Variants in CCBE1 observed in about 807,000 individuals in gnomAD.
CCBE1 encodes collagen and calcium binding EGF domains 1, also known as collagen and calcium-binding EGF domain-containing protein 1.
Under a neutral mutation model 50.0 loss-of-function variants are expected in CCBE1, and 37 were observed. That is an observed-to-expected ratio of 0.74 (90% CI 0.57 to 0.97). CCBE1 has a LOEUF of 0.97. Among genes scored for constraint, CCBE1 ranks in the 50% least tolerant of loss-of-function variants. CCBE1 has a pLI of 0.00. For synonymous variants in CCBE1, 234 were observed against 203.7 expected (o/e 1.15, Z -1.27); for missense variants, 538 against 523.8 (o/e 1.03, Z -0.26).
chr18:59,460,936 AAAAT>A (rs59182848), intron 5 of CCBE1, among the ~76,000 whole-genome samples: 26,209 of 141,064 alleles, frequency 0.19, 2,505 homozygotes, highest in Admixed American at 0.21. Flanking sequence ...CTCTGTCTCA[AAAAT>A]AAATAAATAA....
chr18:59,691,619 T>TG, intron 2 of CCBE1, among the ~76,000 whole-genome samples: 1 of 152,332 alleles, frequency 6.6e-6, no homozygotes, highest in Admixed American at 6.5e-5. Flanking sequence ...TTGGCCAGGC[T>TG]GGTCTCAAAC....
chr18:59,683,466 C>G (rs1046643007), intron 2 of CCBE1, among the ~76,000 whole-genome samples: 4 of 152,168 alleles, frequency 2.6e-5, no homozygotes, highest in African/African-American at 9.7e-5. Context: ...GAGGCTGAGG[C>G]AGGCGGATCA....
intron 2 of CCBE1, among the ~76,000 whole-genome samples, chr18:59,603,183 G>A (rs2053454729): frequency 6.6e-6 from 1 of 152,156 alleles, no homozygotes; most frequent in African/African-American, 2.4e-5. Context: ...AGAAGATTCT[G>A]GAATGACCAT....
At chr18:59,466,245 A>T (rs1163513520) in intron 5 of CCBE1, among the ~76,000 whole-genome samples, 2 of 152,098 alleles carry the variant, frequency 1.3e-5, no homozygotes, top group Non-Finnish European at 2.9e-5. Context: ...TGGGTAATTG[A>T]ATCATGGGGG....
At chr18:59,517,076 A>T (rs970629761) in intron 2 of CCBE1, among the ~76,000 whole-genome samples, 1 of 152,230 alleles carries the variant, frequency 6.6e-6, no homozygotes, top group Admixed American at 6.5e-5. Context: ...CTAAGAGTGC[A>T]CACTTCTTAG....
At chr18:59,468,977 T>C (rs999866717) in intron 4 of CCBE1, among the ~76,000 whole-genome samples, 3 of 152,128 alleles carry the variant, frequency 2.0e-5, no homozygotes, top group Middle Eastern at 3.2e-3. Context: ...ACGGCTGGGA[T>C]AGCCAGTTCA....
chr18:59,527,370 A>G (rs1914868731), intron 2 of CCBE1, among the ~76,000 whole-genome samples: 1 of 151,912 alleles, frequency 6.6e-6, no homozygotes. Flanking sequence ...TTTCTCCATT[A>G]TTTTGAGCCT....
At chr18:59,610,933 A>T (rs2053560873) in intron 2 of CCBE1, among the ~76,000 whole-genome samples, 1 of 152,214 alleles carries the variant, frequency 6.6e-6, no homozygotes, top group Non-Finnish European at 1.5e-5. Flanking sequence ...CACCTCTATT[A>T]TGCATAACAG....
At chr18:59,522,287 G>A (rs1914633999) in intron 2 of CCBE1, among the ~76,000 whole-genome samples, 1 of 152,030 alleles carries the variant, frequency 6.6e-6, no homozygotes, top group South Asian at 2.1e-4. Flanking sequence ...AACATTAAGT[G>A]AAACAACGTA....
chr18:59,681,049 G>GA (rs34876275), intron 2 of CCBE1, among the ~76,000 whole-genome samples: 1,444 of 85,354 alleles, frequency 0.017, 9 homozygotes, highest in Middle Eastern at 0.041. Context: ...ATTTGGCTGA[G>GA]AAAAAAAAAA....
chr18:59,547,633 C>A (rs1012123302), intron 2 of CCBE1, among the ~76,000 whole-genome samples: 6 of 152,298 alleles, frequency 3.9e-5, no homozygotes, highest in African/African-American at 1.4e-4. Flanking sequence ...ATAAAGATTT[C>A]AACACACAAA....
chr18:59,658,229 C>T (rs562551415), intron 2 of CCBE1, among the ~76,000 whole-genome samples: 26 of 141,670 alleles, frequency 1.8e-4, no homozygotes, highest in African/African-American at 6.6e-4. Context: ...CATTACAGGG[C>T]ACAGTGGCTC....
chr18:59,518,605 A>G (rs555220169), intron 2 of CCBE1, among the ~76,000 whole-genome samples: 54 of 152,340 alleles, frequency 3.5e-4, no homozygotes, highest in African/African-American at 1.3e-3. Flanking sequence ...AGGAAAAGGT[A>G]GCTCCCCTTA....
At chr18:59,436,209 T>G in intron 10 of CCBE1, 68 bp from the exon 11 acceptor site, 2 of 1,391,036 alleles carry the variant, frequency 1.4e-6, no homozygotes, top group African/African-American at 1.4e-5. Context: ...CTCCATGACT[T>G]GACCTGCTGC....
intron 2 of CCBE1, among the ~76,000 whole-genome samples, chr18:59,604,457 G>A (rs1003683555): frequency 2.0e-5 from 3 of 152,130 alleles, no homozygotes; most frequent in Non-Finnish European, 4.4e-5. Context: ...GCAGATGAGG[G>A]TCTCAAACTG....
intron 2 of CCBE1, among the ~76,000 whole-genome samples, chr18:59,518,027 A>T (rs1476428580): frequency 6.6e-6 from 1 of 152,076 alleles, no homozygotes; most frequent in Non-Finnish European, 1.5e-5. Flanking sequence ...GGCGGAGGAA[A>T]CTTGCACCCA....
intron 2 of CCBE1, among the ~76,000 whole-genome samples, chr18:59,506,094 G>A (rs1231858765): frequency 6.6e-6 from 1 of 152,214 alleles, no homozygotes; most frequent in Non-Finnish European, 1.5e-5. Flanking sequence ...ATGTAAATAA[G>A]AATTGGGATG....
intron 2 of CCBE1, among the ~76,000 whole-genome samples, chr18:59,526,805 T>G (rs11152158): frequency 0.7 from 106,153 of 151,910 alleles, 37,591 homozygotes; most frequent in Non-Finnish European, 0.73. Context: ...CAGTTTCCAC[T>G]TAGTTTTGTG....
chr18:59,562,763 C>A (rs1015117242), intron 2 of CCBE1, among the ~76,000 whole-genome samples: 1 of 152,164 alleles, frequency 6.6e-6, no homozygotes, highest in African/African-American at 2.4e-5. Context: ...CCTGAGCACT[C>A]AGCTGTCCCT....
Sources: gnomAD v4.1 joint callset for allele counts (sites outside exome capture counted in the v4.1 genomes callset) on GRCh38, gnomAD v4.1.1 for gene constraint, MANE v1.5 for transcripts, NCBI Gene and HGNC (gene_info 2026-07-23, HGNC 2026-07-21) for gene names.